PACS2: variants seen among roughly 807,000 people sequenced by gnomAD.
The protein encoded by PACS2 is phosphofurin acidic cluster sorting protein 2.
Under a neutral mutation model 113.0 loss-of-function variants are expected in PACS2, and 36 were observed. The ratio of observed to expected loss-of-function variants is 0.32; its 90% CI spans 0.24 to 0.42. PACS2 has a LOEUF of 0.42. Among genes scored for constraint, PACS2 ranks in the 10% least tolerant of loss-of-function variants. The pLI, the probability that PACS2 is intolerant of heterozygous loss-of-function variation, is 1.00. For synonymous variants in PACS2, 589 were observed against 536.1 expected (o/e 1.10, Z -1.36); for missense variants, 1,015 against 1,239.5 (o/e 0.82, Z 2.72).
intron 1 of PACS2, among the ~76,000 whole-genome samples, chr14:105,322,802 G>A (rs2058950639): frequency 6.6e-6 from 1 of 152,204 alleles, no homozygotes; most frequent in East Asian, 1.9e-4. Context: ...CATTCTTCTT[G>A]CATGTCAGGA....
intron 1 of PACS2, among the ~76,000 whole-genome samples, chr14:105,327,644 C>T (rs2059169130): frequency 6.6e-6 from 1 of 152,222 alleles, no homozygotes; most frequent in Middle Eastern, 3.2e-3. Context: ...GGGCAGAGGA[C>T]AGCTGGCCAG....
At chr14:105,333,177 C>T (rs1397617958) in intron 1 of PACS2, among the ~76,000 whole-genome samples, 1 of 152,210 alleles carries the variant, frequency 6.6e-6, no homozygotes. Flanking sequence ...ACACCCTGGC[C>T]CTGTTCCCTA....
chr14:105,377,400 G>C (rs1555410735), intron 9 of PACS2, among the ~76,000 whole-genome samples: 1 of 152,146 alleles, frequency 6.6e-6, no homozygotes, highest in African/African-American at 2.4e-5. Context: ...GGGCTGGCTG[G>C]GGTGGCCTGG....
At chr14:105,378,760 G>A (rs1595140395) in intron 9 of PACS2, among the ~76,000 whole-genome samples, 1 of 152,354 alleles carries the variant, frequency 6.6e-6, no homozygotes, top group East Asian at 1.9e-4. Flanking sequence ...GAATCTGTAG[G>A]TCTCCCTTCC....
chr14:105,373,145 C>T (rs1231889034), intron 8 of PACS2, among the ~76,000 whole-genome samples: 2 of 152,150 alleles, frequency 1.3e-5, no homozygotes. Context: ...GTTAAGGTGG[C>T]AATAATCCCT....
At chr14:105,369,986 C>A in intron 8 of PACS2, 86 bp downstream of exon 8, 2 of 1,169,924 alleles carry the variant, frequency 1.7e-6, no homozygotes, top group Non-Finnish European at 2.4e-6. Context: ...TGTCTCCGGG[C>A]CACCTCTGGT....
chr14:105,320,227 C>T (rs1403472007), intron 1 of PACS2, among the ~76,000 whole-genome samples: 1 of 152,202 alleles, frequency 6.6e-6, no homozygotes, highest in African/African-American at 2.4e-5. Flanking sequence ...CCGTCCACCT[C>T]AGCCTCCCAA....
intron 12 of PACS2, among the ~76,000 whole-genome samples, chr14:105,381,594 G>T (rs1453902254): frequency 2.0e-5 from 3 of 152,084 alleles, no homozygotes; most frequent in African/African-American, 7.2e-5. Context: ...GCTCTGCCCA[G>T]CTCTTGGCCC....
intron 8 of PACS2, among the ~76,000 whole-genome samples, chr14:105,375,481 C>CAAAAAAAA (rs34549878): frequency 5.8e-5 from 3 of 51,400 alleles, no homozygotes; most frequent in African/African-American, 1.2e-4. Flanking sequence ...GACTCCATCT[C>CAAAAAAAA]AAAAAAAAAA....
Position 105,366,615 on chromosome 14 carries a change from G to T in PACS2, c.424-598G>T, listed in dbSNP as rs1345338824. ...AACAGAGGAGCTGGACCTGGCCTGT[G>T]AGCCAGGCCTGGTGGGTGTCTCCTG... On this transcript the variant is annotated intron_variant, in intron 4 of 24. Transcript: ENST00000447393. This position sits in a 1 kb window ranked among gnomAD's most constrained non-coding sequence, Gnocchi z 4.3. Among the ~76,000 whole-genome samples, 1 of 152,218 alleles carries T rather than the reference G, an allele frequency of 6.6e-6. No homozygotes were observed. The highest frequency in any genetic ancestry group is 1.5e-5 in the Non-Finnish European group (1 of 68,040).
rs1190111736 is a variant in PACS2, at chr14:105,365,540, C to T, written c.424-1673C>T. Reference sequence around the variant, plus strand: ...GATAAGAGGCCCCATTCCTTCCTGCCCTCCCACCTGAAGGAGGAAGCGAGC... The same window carrying T: ...GATAAGAGGCCCCATTCCTTCCTGCTCTCCCACCTGAAGGAGGAAGCGAGC... On this transcript the variant is annotated intron_variant, in intron 4 of 24. Coordinates refer to ENST00000447393, the MANE Select transcript of PACS2 (RefSeq NM_001100913.3). The surrounding 1 kb of genome is among the most constrained non-coding windows in gnomAD (Gnocchi z 5.1). 6.6e-6 allele frequency among the ~76,000 whole-genome samples: 1 copy of T among 152,126 alleles called. No homozygotes were observed. Among genetic ancestry groups the T allele is most frequent in the African/African-American group, 2.4e-5 (1 of 41,436 alleles).
rs766790558 is a variant in PACS2, at chr14:105,393,443, A to G, written c.2596+108A>G. ...CTGCGGGTGTCTCGCTGTGACACGC[A>G]CATTCCACGATTCAAGGTGCAAGCA... On this transcript the variant is annotated intron_variant, in intron 24 of 24. Coordinates refer to ENST00000447393, the MANE Select transcript of PACS2 (RefSeq NM_001100913.3). The G allele has an allele frequency of 5.3e-4, 346 of 651,924 alleles. 1 individual carries two copies. The highest frequency in any genetic ancestry group is 6.2e-4 in the Non-Finnish European group (236 of 381,484). 40.4% of individuals were successfully genotyped at this position (651,924 alleles called of 1,614,324 possible).
intron 4 of PACS2, among the ~76,000 whole-genome samples, chr14:105,363,596 T>G (rs587652433): frequency 6.6e-6 from 1 of 152,230 alleles, no homozygotes; most frequent in African/African-American, 2.4e-5. Flanking sequence ...TAAAGGAGTG[T>G]TGTCTGGTTC....
rs1443967446 is a variant in PACS2 at position 105,395,793 on chromosome 14, C to T, written c.*1121C>T. 3 of 152,346 alleles carry T rather than the reference C, an allele frequency of 2.0e-5. No homozygotes were observed. The highest frequency in any genetic ancestry group is 7.2e-5 in the African/African-American group (3 of 41,442). The allele number at this position is 152,346 out of a possible 1,614,324, so 9.4% of individuals were successfully genotyped here. ...CCCATGTTGTGTGTGGGTTCCATGC[C>T]CTCCACACAGCAGGAGAGGGCTTCC... On this transcript the variant is annotated 3_prime_UTR_variant, in exon 25 of 25. Coordinates refer to ENST00000447393, the MANE Select transcript of PACS2 (RefSeq NM_001100913.3).
chr14:105,379,548 A>G (rs1432216776), intron 9 of PACS2, among the ~76,000 whole-genome samples, 191 bp from the exon 10 acceptor site: 1 of 152,182 alleles, frequency 6.6e-6, no homozygotes, highest in African/African-American at 2.4e-5. Context: ...CAGCTCCAGA[A>G]TCATTCTGTG....
At chr14:105,385,330 C>T (rs1471368978) in intron 18 of PACS2, among the ~76,000 whole-genome samples, 1 of 152,246 alleles carries the variant, frequency 6.6e-6, no homozygotes, top group Non-Finnish European at 1.5e-5. Flanking sequence ...GCCTGGGTTT[C>T]TCGGGCTGGG....
chr14:105,380,644 G>A (rs2080957674), intron 11 of PACS2, among the ~76,000 whole-genome samples: 3 of 152,180 alleles, frequency 2.0e-5, no homozygotes, highest in Admixed American at 1.3e-4. Context: ...CCCTCAGGTG[G>A]ATGGCACCCA....
At chr14:105,321,629 C>G (rs2088525001) in intron 1 of PACS2, among the ~76,000 whole-genome samples, 2 of 152,246 alleles carry the variant, frequency 1.3e-5, no homozygotes, top group South Asian at 4.1e-4. Context: ...TCCCAAAGTG[C>G]TGGGATTATA....
At position 105,314,972 on chromosome 14, in the gene PACS2, G is replaced by A. The variant is rs999286279; in HGVS notation, c.54G>A (p.Thr18=). 6.5e-6 allele frequency: 8 copies of A among 1,234,292 alleles called. No homozygotes were observed. In the African/African-American group the frequency reaches 1.1e-4, roughly 17 times the overall value. 76.5% of individuals were successfully genotyped at this position (1,234,292 alleles called of 1,614,324 possible). The change falls in exon 1 of 25, where the codon ACG becomes ACA. Residue 18 remains threonine, a synonymous_variant. Coordinates refer to ENST00000447393, the MANE Select transcript of PACS2 (RefSeq NM_001100913.3). Reference sequence around the variant, plus strand: ...CCGGCGCGCCCGGCGCGCTCAACACGCCCGTGCCCATGAACCTGTTCGCCA... The same window carrying A: ...CCGGCGCGCCCGGCGCGCTCAACACACCCGTGCCCATGAACCTGTTCGCCA... The part of the protein sequence containing the change: ...GLPGAPGALN[T]PVPMNLFATW...
Sources: allele counts gnomAD v4.1 joint callset (sites outside exome capture counted in the v4.1 genomes callset), GRCh38; gene constraint gnomAD v4.1.1; non-coding constraint Gnocchi (gnomAD v3.1); transcripts MANE v1.5; gene names NCBI Gene and HGNC (gene_info 2026-07-23, HGNC 2026-07-21).